GABRA6: variants seen among roughly 807,000 people sequenced by gnomAD.
The protein encoded by GABRA6 is gamma-aminobutyric acid type A receptor subunit alpha6, also known as gamma-aminobutyric acid receptor subunit alpha-6.
In GABRA6, 45 loss-of-function variants were observed where a neutral mutation model predicts 47.3. That is an observed-to-expected ratio of 0.95 (90% CI 0.75 to 1.22). The LOEUF is 1.22. Ranked by LOEUF, GABRA6 falls within the 50% of genes most tolerant of loss-of-function variation. The pLI, the probability that GABRA6 is intolerant of heterozygous loss-of-function variation, is 0.00. For missense variants in GABRA6, 583 were observed against 549.3 expected, an observed-to-expected ratio of 1.06 and a Z score of -0.61; for synonymous variants, 219 against 194.7, an observed-to-expected ratio of 1.12 and a Z score of -1.04.
At chr5:161,695,756 C>T (rs1056896956) in intron 8 of GABRA6, among the ~76,000 whole-genome samples, 4 of 152,066 alleles carry the variant, frequency 2.6e-5, no homozygotes, top group Non-Finnish European at 5.9e-5. Context: ...ACCAAAATTT[C>T]ATTAGTCAGG....
intron 8 of GABRA6, among the ~76,000 whole-genome samples, chr5:161,696,822 C>T (rs1464890386): frequency 6.6e-6 from 1 of 152,164 alleles, no homozygotes; most frequent in Non-Finnish European, 1.5e-5. Context: ...CTTTTGCAAA[C>T]TATCAATACT....
chr5:161,688,811 T>G, intron 3 of GABRA6, 138 bp from the exon 4 acceptor site: 1 of 741,010 alleles, frequency 1.3e-6, no homozygotes, highest in Non-Finnish European at 2.3e-6. Context: ...CTAGCTAAAA[T>G]TATAGCTTTG....
rs529032834 is a variant in GABRA6 at position 161,689,974 on chromosome 5, GT to G, written c.673+203del. ...GATTTGTGTAATCTTGGAATAAGTA[GT>G]TTTTTTTATGTATATGATATAAAGA... On this transcript the variant is annotated intron_variant, in intron 6 of 8. Coordinates refer to ENST00000274545, the MANE Select transcript of GABRA6 (RefSeq NM_000811.3). 407 of 684,834 alleles carry G rather than the reference GT, an allele frequency of 5.9e-4. 2 individuals are homozygous for G. Among genetic ancestry groups the G allele is most frequent in the African/African-American group, 3.4e-3 (187 of 55,390 alleles). 42.4% of individuals were successfully genotyped at this position (684,834 alleles called of 1,614,324 possible).
rs1754987496 is a variant in GABRA6 at position 161,701,845 on chromosome 5, T to C, written c.*72T>C. Reference sequence around the variant, plus strand: ...TCCTATGTTTTCTTAAAAAATAGCATTGAGACTTGTGTAGATGCTTCTCAG... The same window carrying C: ...TCCTATGTTTTCTTAAAAAATAGCACTGAGACTTGTGTAGATGCTTCTCAG... On this transcript the variant is annotated 3_prime_UTR_variant, in exon 9 of 9. Coordinates refer to ENST00000274545, the MANE Select transcript of GABRA6 (RefSeq NM_000811.3). 1.3e-6 allele frequency: 2 copies of C among 1,488,892 alleles called. No individual in the cohort carries two copies. Among genetic ancestry groups the C allele is most frequent in the Non-Finnish European group, 9.4e-7 (1 of 1,069,412 alleles). 92.2% of individuals were successfully genotyped at this position (1,488,892 alleles called of 1,614,324 possible). A position where few individuals can be genotyped will look rare whatever the true frequency, so the allele number is the denominator to read the frequency against.
chr5:161,692,847 G>C (rs1754817323), intron 8 of GABRA6, among the ~76,000 whole-genome samples: 2 of 152,170 alleles, frequency 1.3e-5, no homozygotes, highest in Non-Finnish European at 2.9e-5. Context: ...CTGGTCCCCA[G>C]AGGTTTTTGA....
At chr5:161,698,947 T>C (rs2113086547) in intron 8 of GABRA6, among the ~76,000 whole-genome samples, 1 of 152,342 alleles carries the variant, frequency 6.6e-6, no homozygotes, top group East Asian at 1.9e-4. Flanking sequence ...TGTTTGGTTC[T>C]GAATGGTACT....
intron 7 of GABRA6, among the ~76,000 whole-genome samples, chr5:161,690,826 T>A (rs1443740708): frequency 9.9e-5 from 15 of 152,108 alleles, no homozygotes; most frequent in Non-Finnish European, 1.5e-5. Context: ...CTAATTTTAA[T>A]AAAACAAAAT....
intron 8 of GABRA6, among the ~76,000 whole-genome samples, chr5:161,698,660 AGAAACTT>A (rs1396385015): frequency 6.6e-6 from 1 of 152,054 alleles, no homozygotes; most frequent in African/African-American, 2.4e-5. Context: ...CTACCTTCAC[AGAAACTT>A]GAAGCTGAGA....
At chr5:161,696,613 G>T (rs1470583624) in intron 8 of GABRA6, among the ~76,000 whole-genome samples, 1 of 151,996 alleles carries the variant, frequency 6.6e-6, no homozygotes, top group African/African-American at 2.4e-5. Context: ...ATTTTATTAT[G>T]AACTCTCCAA....
At chr5:161,689,897 C>A (rs4921402) in intron 6 of GABRA6, 118 bp downstream of exon 6, 1,145,590 of 1,153,358 alleles carry the variant, frequency 0.99, 569,248 homozygotes, top group East Asian at 1. Context: ...TGCTGTTTTG[C>A]AGTGATGAGT....
intron 8 of GABRA6, among the ~76,000 whole-genome samples, chr5:161,701,196 G>C (rs17059666): frequency 0.032 from 4,803 of 152,120 alleles, 226 homozygotes; most frequent in African/African-American, 0.1. Flanking sequence ...AACCTGGCTC[G>C]TCTTTCCCTA....
chr5:161,694,698 CCT>C (rs1400021175), intron 8 of GABRA6, among the ~76,000 whole-genome samples: 14 of 151,940 alleles, frequency 9.2e-5, no homozygotes, highest in African/African-American at 3.4e-4. Context: ...TATTTCTGAA[CCT>C]GGTTTTACTT....
chr5:161,688,056 G>C (rs1754730280), intron 3 of GABRA6, among the ~76,000 whole-genome samples: 1 of 152,088 alleles, frequency 6.6e-6, no homozygotes, highest in African/African-American at 2.4e-5. Flanking sequence ...AATTGTTGAA[G>C]TCTGAGTATA....
intron 7 of GABRA6, among the ~76,000 whole-genome samples, chr5:161,691,603 A>G (rs778060233): frequency 6.6e-6 from 1 of 151,662 alleles, no homozygotes; most frequent in Non-Finnish European, 1.5e-5. Context: ...CCCGGCCTCA[A>G]GTTTTTTTTT....
intron 8 of GABRA6, among the ~76,000 whole-genome samples, chr5:161,696,616 C>T (rs1014162481): frequency 1.3e-5 from 2 of 152,084 alleles, no homozygotes; most frequent in Non-Finnish European, 2.9e-5. Context: ...TTATTATGAA[C>T]TCTCCAAACA....
chr5:161,697,825 T>C (rs1333581666), intron 8 of GABRA6, among the ~76,000 whole-genome samples: 2 of 152,158 alleles, frequency 1.3e-5, no homozygotes, highest in East Asian at 1.9e-4. Context: ...GGAAATTGAA[T>C]TCAGGTCCTG....
chr5:161,699,100 T>C (rs1754934211), intron 8 of GABRA6, among the ~76,000 whole-genome samples: 1 of 152,178 alleles, frequency 6.6e-6, no homozygotes, highest in South Asian at 2.1e-4. Flanking sequence ...TTTTATGGTA[T>C]TTAATGTTTT....
Position 161,690,252 on chromosome 5 carries a change from A to G in GABRA6, c.725A>G (p.Tyr242Cys), listed in dbSNP as rs371302517. ...TTCCACTTGCAAAGGAAGATGGGCTACTTCATGATACAGATATACACTCCT... is the reference window on the plus strand; with the variant it reads ...TTCCACTTGCAAAGGAAGATGGGCTGCTTCATGATACAGATATACACTCCT... ...VYFHLQRKMG[Y>C]FMIQIYTPCI... Residue 242 changes from tyrosine to cysteine, a missense_variant, in exon 7 of 9, where the codon TAC becomes TGC. By Grantham distance (194) the Tyr-to-Cys change is radical. Transcript: ENST00000274545. 4 of 1,613,548 alleles carry G rather than the reference A, an allele frequency of 2.5e-6. No homozygotes were observed. The highest frequency in any genetic ancestry group is 3.4e-6 in the Non-Finnish European group (4 of 1,179,522).
At chr5:161,690,061 C>G in intron 6 of GABRA6, 140 bp from the exon 7 acceptor site, 1 of 811,984 alleles carries the variant, frequency 1.2e-6, no homozygotes, top group Admixed American at 2.0e-5. Context: ...GATCAAGTAG[C>G]TTTCTCATAT....
Sources: allele counts gnomAD v4.1 joint callset (sites outside exome capture counted in the v4.1 genomes callset), GRCh38; gene constraint gnomAD v4.1.1; transcripts MANE v1.5; gene names NCBI Gene and HGNC (gene_info 2026-07-23, HGNC 2026-07-21).